Variants in KSR2 observed in about 807,000 individuals in gnomAD.
The protein encoded by KSR2 is kinase suppressor of ras 2.
In KSR2, 25 loss-of-function variants were observed where a neutral mutation model predicts 107.8. That is an observed-to-expected ratio of 0.23 (90% CI 0.17 to 0.32). KSR2 has a LOEUF of 0.32. KSR2 is among the 10% of genes least tolerant of loss of function. KSR2 has a pLI of 1.00. For synonymous variants in KSR2, 480 were observed against 507.0 expected (o/e 0.95, Z 0.71); for missense variants, 887 against 1,268.9 (o/e 0.70, Z 4.57).
intron 4 of KSR2, among the ~76,000 whole-genome samples, chr12:117,750,137 C>A (rs748774279): frequency 2.0e-5 from 3 of 151,524 alleles, no homozygotes; most frequent in Non-Finnish European, 4.4e-5. Flanking sequence ...GTAATCTCAG[C>A]TATTCAGGAA....
intron 1 of KSR2, among the ~76,000 whole-genome samples, chr12:117,928,423 G>A (rs7971063): frequency 0.98 from 149,720 of 152,298 alleles, 73,605 homozygotes; most frequent in East Asian, 1. Context: ...AGCTCAAGCA[G>A]TCTGCCCACC....
intron 5 of KSR2, among the ~76,000 whole-genome samples, chr12:117,615,214 TACACACACACACACACACAC>T (rs57116320): frequency 6.8e-5 from 10 of 147,912 alleles, no homozygotes; most frequent in South Asian, 4.5e-4. Context: ...TCTCTTCAGT[TACACACACACACACACACAC>T]ACACACACAC....
intron 3 of KSR2, among the ~76,000 whole-genome samples, chr12:117,823,766 T>A (rs1037778687): frequency 6.6e-6 from 1 of 152,152 alleles, no homozygotes; most frequent in African/African-American, 2.4e-5. Flanking sequence ...AGAAGAGAGA[T>A]GTCTCTCTGA....
At chr12:117,835,529 G>A (rs1288977157) in intron 3 of KSR2, among the ~76,000 whole-genome samples, 1 of 152,134 alleles carries the variant, frequency 6.6e-6, no homozygotes, top group Admixed American at 6.5e-5. Flanking sequence ...TGTCGTCAGT[G>A]TCGTCATAAT....
chr12:117,769,899 C>G (rs981051745), intron 3 of KSR2, among the ~76,000 whole-genome samples: 12 of 151,996 alleles, frequency 7.9e-5, no homozygotes, highest in African/African-American at 2.9e-4. Flanking sequence ...ACTAAAAATA[C>G]AAAAATTAGC....
chr12:117,858,644 C>T (rs777342631), intron 2 of KSR2, among the ~76,000 whole-genome samples: 4 of 152,222 alleles, frequency 2.6e-5, no homozygotes, highest in Admixed American at 2.0e-4. Context: ...AGGCAAGCTC[C>T]TCTTCTGCCC....
chr12:117,645,181 A>G (rs1883561205), intron 5 of KSR2, among the ~76,000 whole-genome samples: 1 of 152,194 alleles, frequency 6.6e-6, no homozygotes, highest in Admixed American at 6.5e-5. Context: ...CTTAACTGGG[A>G]ATAAAACTCA....
At chr12:117,759,965 C>T (rs569903489) in intron 4 of KSR2, among the ~76,000 whole-genome samples, 2 of 152,138 alleles carry the variant, frequency 1.3e-5, no homozygotes, top group Non-Finnish European at 2.9e-5. Context: ...AAAAATTAGC[C>T]AGGCGTGGTG....
intron 4 of KSR2, among the ~76,000 whole-genome samples, chr12:117,734,043 G>A (rs1887835747): frequency 6.6e-6 from 1 of 152,186 alleles, no homozygotes. Context: ...CACTTTGGGA[G>A]GCTGAGGCAG....
At chr12:117,530,795 T>G in intron 12 of KSR2, 146 bp downstream of exon 12, 3 of 674,864 alleles carry the variant, frequency 4.4e-6, no homozygotes, top group East Asian at 5.3e-5. Flanking sequence ...ATTCCCTATG[T>G]CTCTCTGACC....
intron 5 of KSR2, among the ~76,000 whole-genome samples, chr12:117,632,391 ATTTT>A (rs367696902): frequency 6.6e-6 from 1 of 150,898 alleles, no homozygotes; most frequent in Non-Finnish European, 1.5e-5. Flanking sequence ...TGCCTGGCTA[ATTTT>A]TTTTGTATTT....
intron 5 of KSR2, among the ~76,000 whole-genome samples, chr12:117,667,069 T>G (rs944910002): frequency 1.3e-5 from 2 of 152,178 alleles, no homozygotes; most frequent in African/African-American, 4.8e-5. Flanking sequence ...TAATCATAGA[T>G]GCCTTAGCCA....
chr12:117,573,688 C>T (rs1018444146), intron 7 of KSR2, among the ~76,000 whole-genome samples: 1 of 151,834 alleles, frequency 6.6e-6, no homozygotes, highest in Non-Finnish European at 1.5e-5. Flanking sequence ...TCACCAAACT[C>T]GGCTAATTTT....
chr12:117,892,191 T>C (rs974787965), intron 1 of KSR2, among the ~76,000 whole-genome samples: 12 of 150,536 alleles, frequency 8.0e-5, no homozygotes, highest in Non-Finnish European at 1.3e-4. Flanking sequence ...TAATCCCAGC[T>C]ATTCAGGAGG....
intron 1 of KSR2, among the ~76,000 whole-genome samples, chr12:117,863,621 T>C (rs1893382397): frequency 6.6e-6 from 1 of 152,210 alleles, no homozygotes; most frequent in African/African-American, 2.4e-5. Context: ...TATACTGGTT[T>C]CCTGTGGCTG....
intron 1 of KSR2, among the ~76,000 whole-genome samples, chr12:117,932,999 C>T (rs768593208): frequency 2.0e-5 from 3 of 152,014 alleles, no homozygotes; most frequent in South Asian, 2.1e-4. Context: ...GATGACAGAG[C>T]GGGACTCTGT....
intron 1 of KSR2, among the ~76,000 whole-genome samples, chr12:117,894,429 C>T (rs977213313): frequency 6.6e-6 from 1 of 152,090 alleles, no homozygotes; most frequent in Non-Finnish European, 1.5e-5. Context: ...CTTTGGGAGG[C>T]CATGGTGGCA....
intron 5 of KSR2, among the ~76,000 whole-genome samples, chr12:117,613,620 G>A (rs1881718152): frequency 6.6e-6 from 1 of 152,190 alleles, no homozygotes; most frequent in South Asian, 2.1e-4. Context: ...TGCCCTGTGG[G>A]GTGAACCTTG....
At chr12:117,928,709 G>T (rs1438512959) in intron 1 of KSR2, among the ~76,000 whole-genome samples, 1 of 152,110 alleles carries the variant, frequency 6.6e-6, no homozygotes. Flanking sequence ...AGATCATATG[G>T]CAATTCTACA....
Sources: allele counts gnomAD v4.1 joint callset (sites outside exome capture counted in the v4.1 genomes callset), GRCh38; gene constraint gnomAD v4.1.1; transcripts MANE v1.5; gene names NCBI Gene and HGNC (gene_info 2026-07-23, HGNC 2026-07-21).